The following ATXN7L1 variants were observed in gnomAD, a reference collection of about 807,000 sequenced individuals.
ATXN7L1 encodes the protein ataxin-7-like protein 1.
In ATXN7L1, 15 loss-of-function variants were observed where a neutral mutation model predicts 70.8. The observed-to-expected ratio is 0.21, with a 90% CI of 0.14 to 0.33. The LOEUF (loss-of-function observed/expected upper bound fraction) is 0.33. ATXN7L1 is among the 10% of genes least tolerant of loss of function. The pLI, the probability that ATXN7L1 is intolerant of heterozygous loss-of-function variation, is 1.00. For missense variants in ATXN7L1, 975 were observed against 1,097.1 expected (o/e 0.89, Z 1.57); for synonymous variants, 440 against 445.1 (o/e 0.99, Z 0.14).
chr7:105,865,622 C>T (rs879565074), intron 2 of ATXN7L1, among the ~76,000 whole-genome samples: 5 of 152,086 alleles, frequency 3.3e-5, no homozygotes, highest in East Asian at 1.9e-4. Context: ...AGGATGGTAT[C>T]GATCTCCTGA....
At chr7:105,748,113 T>A (rs1296255950) in intron 3 of ATXN7L1, among the ~76,000 whole-genome samples, 1 of 68,822 alleles carries the variant, frequency 1.5e-5, no homozygotes, top group Non-Finnish European at 2.3e-5. Context: ...CAAAACTCCA[T>A]CTCAAAAAAA....
At chr7:105,776,772 A>C (rs1762410705) in intron 3 of ATXN7L1, among the ~76,000 whole-genome samples, 1 of 151,948 alleles carries the variant, frequency 6.6e-6, no homozygotes, top group Non-Finnish European at 1.5e-5. Context: ...TGTTTATCCC[A>C]GACACTTTTT....
At chr7:105,616,189 C>G (rs189612427) in intron 9 of ATXN7L1, among the ~76,000 whole-genome samples, 71 of 152,246 alleles carry the variant, frequency 4.7e-4, no homozygotes, top group African/African-American at 1.7e-3. Context: ...GTGAGCAGGC[C>G]CAGAGCCTGT....
At chr7:105,820,609 T>A (rs920798334) in intron 2 of ATXN7L1, among the ~76,000 whole-genome samples, 1 of 152,234 alleles carries the variant, frequency 6.6e-6, no homozygotes, top group Non-Finnish European at 1.5e-5. Flanking sequence ...TGGGTTTTTT[T>A]AAATTGCAAA....
intron 2 of ATXN7L1, among the ~76,000 whole-genome samples, chr7:105,805,634 G>A (rs1223297114): frequency 6.6e-6 from 1 of 152,220 alleles, no homozygotes; most frequent in Non-Finnish European, 1.5e-5. Context: ...GTGATAAATA[G>A]GACGTGTGCG....
chr7:105,818,088 A>G (rs1489956465), intron 2 of ATXN7L1, among the ~76,000 whole-genome samples: 2 of 152,260 alleles, frequency 1.3e-5, no homozygotes, highest in African/African-American at 4.8e-5. Context: ...CAAGCATTCC[A>G]AAAGCATTCT....
At chr7:105,733,594 C>T (rs71540966) in intron 3 of ATXN7L1, among the ~76,000 whole-genome samples, 1,676 of 124,848 alleles carry the variant, frequency 0.013, 99 homozygotes, top group African/African-American at 0.022. Context: ...ATCCATCCAT[C>T]CATCCATCCA....
chr7:105,611,822 C>T (rs1017180989), intron 10 of ATXN7L1, among the ~76,000 whole-genome samples: 1 of 152,204 alleles, frequency 6.6e-6, no homozygotes, highest in Non-Finnish European at 1.5e-5. Context: ...GCCCCGACCC[C>T]GATCTCCTAG....
Position 105,610,608 on chromosome 7 carries a change from A to G in ATXN7L1, c.2473-5T>C, listed in dbSNP as rs1793056492. 3 of 1,551,480 alleles carry G rather than the reference A, an allele frequency of 1.9e-6. No homozygotes were observed. The Admixed American group carries it at 5.9e-5, about 30-fold the overall frequency. On this transcript the variant is annotated splice_region_variant and splice_polypyrimidine_tract_variant and intron_variant, in intron 10 of 11. Transcript: ENST00000419735. ...TAGGCTGCTATTTTTCCCAACCTGA[A>G]AGACACCATTGAAGCCCCACTCAGA...
chr7:105,755,508 C>T (rs1799698735), intron 3 of ATXN7L1, among the ~76,000 whole-genome samples: 1 of 152,152 alleles, frequency 6.6e-6, no homozygotes, highest in Non-Finnish European at 1.5e-5. Context: ...TAAGTGATAA[C>T]TACATTATTC....
At chr7:105,724,469 G>A (rs1314485252) in intron 3 of ATXN7L1, among the ~76,000 whole-genome samples, 3 of 150,724 alleles carry the variant, frequency 2.0e-5, no homozygotes, top group Admixed American at 1.3e-4. Context: ...AGCTACTCAG[G>A]AGGCTGGAAC....
chr7:105,764,864 T>C (rs1274337487), intron 3 of ATXN7L1, among the ~76,000 whole-genome samples: 1 of 152,008 alleles, frequency 6.6e-6, no homozygotes, highest in East Asian at 1.9e-4. Flanking sequence ...GTGGGTTTAA[T>C]ATATCATGTA....
At chr7:105,628,316 C>G (rs1032352945) in intron 7 of ATXN7L1, among the ~76,000 whole-genome samples, 2 of 152,108 alleles carry the variant, frequency 1.3e-5, no homozygotes, top group African/African-American at 2.4e-5. Flanking sequence ...ACTATTCTCT[C>G]TACTTTTCTA....
intron 3 of ATXN7L1, among the ~76,000 whole-genome samples, chr7:105,742,451 C>T (rs1798117990): frequency 6.6e-6 from 1 of 152,216 alleles, no homozygotes. Flanking sequence ...TTTTCACAAC[C>T]ACCCTATTAT....
chr7:105,756,609 C>G (rs950533016), intron 3 of ATXN7L1, among the ~76,000 whole-genome samples: 7 of 152,158 alleles, frequency 4.6e-5, no homozygotes, highest in African/African-American at 1.7e-4. Context: ...AACCACTAAC[C>G]AAGCTCACCA....
intron 8 of ATXN7L1, among the ~76,000 whole-genome samples, chr7:105,621,792 T>C (rs1794973620): frequency 1.3e-5 from 2 of 152,142 alleles, no homozygotes; most frequent in South Asian, 4.2e-4. Context: ...CAGGGCTGGA[T>C]TGGCACTCAT....
intron 3 of ATXN7L1, among the ~76,000 whole-genome samples, chr7:105,683,770 C>T (rs1194871875): frequency 6.6e-6 from 1 of 152,134 alleles, no homozygotes; most frequent in Non-Finnish European, 1.5e-5. Flanking sequence ...CACACACGAA[C>T]ACAGGCTCCA....
At chr7:105,659,885 T>C (rs1801313695) in intron 4 of ATXN7L1, among the ~76,000 whole-genome samples, 1 of 144,826 alleles carries the variant, frequency 6.9e-6, no homozygotes, top group Admixed American at 6.8e-5. Context: ...TTTCTCTTTC[T>C]TTTTTTTTTT....
intron 2 of ATXN7L1, among the ~76,000 whole-genome samples, chr7:105,820,890 G>A (rs112217879): frequency 3.9e-5 from 6 of 152,136 alleles, no homozygotes; most frequent in African/African-American, 1.2e-4. Context: ...TTGCTCCCAC[G>A]CTCACCATGT....
Sources: gnomAD v4.1 joint callset for allele counts (sites outside exome capture counted in the v4.1 genomes callset) on GRCh38, gnomAD v4.1.1 for gene constraint, MANE v1.5 for transcripts, NCBI Gene and HGNC (gene_info 2026-07-23, HGNC 2026-07-21) for gene names.